Variants in EXT1 observed in about 807,000 individuals in gnomAD.
The protein encoded by EXT1 is exostosin glycosyltransferase 1, also known as exostosin-1.
A neutral mutation model predicts 82.5 loss-of-function variants in EXT1; 20 were observed. The ratio of observed to expected loss-of-function variants is 0.24; its 90% CI spans 0.17 to 0.35. The LOEUF (loss-of-function observed/expected upper bound fraction) is 0.35. Ranked by LOEUF, EXT1 falls within the 10% of genes least tolerant of loss-of-function variation. The pLI, the probability that EXT1 is intolerant of heterozygous loss-of-function variation, is 1.00. For missense variants in EXT1, 757 were observed against 936.5 expected, an observed-to-expected ratio of 0.81 and a Z score of 2.50; for synonymous variants, 348 against 350.8, an observed-to-expected ratio of 0.99 and a Z score of 0.09.
At chr8:118,091,606 A>G (rs926934262) in intron 1 of EXT1, among the ~76,000 whole-genome samples, 39 of 152,110 alleles carry the variant, frequency 2.6e-4, no homozygotes, top group Admixed American at 2.6e-3. Flanking sequence ...TTAGCCGGGC[A>G]TGGTGGCGGG....
At chr8:117,823,849 T>C (rs933696378) in intron 4 of EXT1, among the ~76,000 whole-genome samples, 46 of 152,322 alleles carry the variant, frequency 3.0e-4, no homozygotes, top group Middle Eastern at 3.4e-3. Context: ...TATGGCTGGA[T>C]AGAGGTTTCT....
At chr8:118,066,830 G>A (rs1053123678) in intron 1 of EXT1, among the ~76,000 whole-genome samples, 2 of 152,160 alleles carry the variant, frequency 1.3e-5, no homozygotes, top group Non-Finnish European at 2.9e-5. Context: ...CAGAGGGTCA[G>A]CACCCCCTAA....
At chr8:118,069,937 A>G (rs1229071437) in intron 1 of EXT1, among the ~76,000 whole-genome samples, 3 of 152,198 alleles carry the variant, frequency 2.0e-5, no homozygotes, top group Non-Finnish European at 2.9e-5. Context: ...CAACAATCCT[A>G]TGAACTAGTT....
At position 117,861,943 on chromosome 8, in the gene EXT1, G is replaced by A. The variant is rs1812694608; in HGVS notation, c.963-24742C>T. 1.4e-5 allele frequency among the ~76,000 whole-genome samples: 2 copies of A among 145,292 alleles called. 1 individual carries two copies. The highest frequency in any genetic ancestry group is 3.1e-5 in the Non-Finnish European group (2 of 64,754). On this transcript the variant is annotated intron_variant, in intron 1 of 10. Coordinates refer to ENST00000378204, the MANE Select transcript of EXT1 (RefSeq NM_000127.3). Reference sequence around the variant, plus strand: ...AATGCACACAGGGGACAAACCAAACGGTGAAAACTGATGTTAAACTATAAA... The same window carrying A: ...AATGCACACAGGGGACAAACCAAACAGTGAAAACTGATGTTAAACTATAAA...
At chr8:118,059,337 G>A (rs1034327617) in intron 1 of EXT1, among the ~76,000 whole-genome samples, 1 of 152,116 alleles carries the variant, frequency 6.6e-6, no homozygotes, top group African/African-American at 2.4e-5. Context: ...CCTGGGGTAC[G>A]GCTAGCCATA....
intron 1 of EXT1, among the ~76,000 whole-genome samples, chr8:117,845,956 G>C (rs541078567): frequency 2.0e-5 from 3 of 152,098 alleles, no homozygotes; most frequent in African/African-American, 7.2e-5. Flanking sequence ...TGGGATCCAC[G>C]ACCAGCTCTG....
chr8:118,102,344 A>G (rs1483542946), intron 1 of EXT1, among the ~76,000 whole-genome samples: 3 of 135,548 alleles, frequency 2.2e-5, no homozygotes, highest in East Asian at 2.0e-4. Flanking sequence ...CATGGGTTAG[A>G]AAAAAAAAAA....
chr8:117,822,208 C>T (rs1252869463), intron 5 of EXT1, among the ~76,000 whole-genome samples: 1 of 152,188 alleles, frequency 6.6e-6, no homozygotes, highest in African/African-American at 2.4e-5. Flanking sequence ...ATTTGGGGAG[C>T]CTATTTCTCA....
At chr8:117,909,226 C>A (rs1813600087) in intron 1 of EXT1, among the ~76,000 whole-genome samples, 1 of 152,010 alleles carries the variant, frequency 6.6e-6, no homozygotes. Context: ...AAGAGTAAGA[C>A]ATTGAGAAAT....
intron 1 of EXT1, among the ~76,000 whole-genome samples, chr8:117,888,674 T>C (rs1485685219): frequency 6.6e-6 from 1 of 152,194 alleles, no homozygotes; most frequent in East Asian, 1.9e-4. Flanking sequence ...CTGATGTTTC[T>C]CTTTACGGTG....
At chr8:117,811,264 G>C (rs1586992286) in intron 8 of EXT1, among the ~76,000 whole-genome samples, 1 of 152,204 alleles carries the variant, frequency 6.6e-6, no homozygotes, top group African/African-American at 2.4e-5. Context: ...CTTGTTGAAT[G>C]AATGTGTTCC....
intron 1 of EXT1, among the ~76,000 whole-genome samples, chr8:117,986,187 C>CTTTTTTT (rs1160370973): frequency 3.2e-5 from 2 of 63,454 alleles, no homozygotes; most frequent in Non-Finnish European, 2.9e-5. Context: ...CTATTCTTTT[C>CTTTTTTT]TTTTTTTTTT....
intron 1 of EXT1, among the ~76,000 whole-genome samples, chr8:117,951,204 T>C (rs559517687): frequency 1.2e-4 from 18 of 152,310 alleles, no homozygotes; most frequent in Non-Finnish European, 2.2e-4. Flanking sequence ...CAGAAATAAC[T>C]TGGCAACCAG....
Position 117,797,356 on chromosome 8 carries a change from A to G in EXT1, c.*2356T>C, listed in dbSNP as rs1823101637. 1 of 152,220 alleles carries G rather than the reference A, an allele frequency of 6.6e-6. No homozygotes were observed. The highest frequency in any genetic ancestry group is 1.5e-5 in the Non-Finnish European group (1 of 68,036). 9.4% of individuals were successfully genotyped at this position (152,220 alleles called of 1,614,324 possible). ...GGTGTGTTATATCCTGTTCTTATTTATAATTACCATTTTTCTTCACATAAC... is the reference window on the plus strand; with the variant it reads ...GGTGTGTTATATCCTGTTCTTATTTGTAATTACCATTTTTCTTCACATAAC... On this transcript the variant is annotated 3_prime_UTR_variant, in exon 11 of 11. Coordinates refer to ENST00000378204, the MANE Select transcript of EXT1 (RefSeq NM_000127.3).
intron 1 of EXT1, among the ~76,000 whole-genome samples, chr8:117,936,492 G>A (rs1482507376): frequency 6.6e-6 from 1 of 152,184 alleles, no homozygotes; most frequent in Non-Finnish European, 1.5e-5. Context: ...CCAAATTGCT[G>A]ATTAACTTAC....
At chr8:117,870,824 C>CAA in intron 1 of EXT1, among the ~76,000 whole-genome samples, 1 of 39,500 alleles carries the variant, frequency 2.5e-5, no homozygotes, top group East Asian at 7.3e-4. Flanking sequence ...AATGCTTTGT[C>CAA]ACACACACAC....
intron 1 of EXT1, among the ~76,000 whole-genome samples, chr8:117,851,616 GACACACACACACAC>G (rs35686154): frequency 2.0e-5 from 3 of 147,908 alleles, no homozygotes; most frequent in Non-Finnish European, 3.0e-5. Context: ...AATTTAGCTG[GACACACACACACAC>G]ACACACACAC....
chr8:118,038,944 C>T (rs1816475698), intron 1 of EXT1, among the ~76,000 whole-genome samples: 1 of 152,174 alleles, frequency 6.6e-6, no homozygotes, highest in African/African-American at 2.4e-5. Context: ...TCATTTCTGG[C>T]ATAGAACTTA....
At chr8:118,008,125 T>G (rs1187960708) in intron 1 of EXT1, among the ~76,000 whole-genome samples, 3 of 152,234 alleles carry the variant, frequency 2.0e-5, no homozygotes, top group African/African-American at 4.8e-5. Context: ...TGTGTCCATG[T>G]GTTCTCATTG....
Sources: gnomAD v4.1 joint callset for allele counts (sites outside exome capture counted in the v4.1 genomes callset) on GRCh38, gnomAD v4.1.1 for gene constraint, MANE v1.5 for transcripts, NCBI Gene and HGNC (gene_info 2026-07-23, HGNC 2026-07-21) for gene names.